SVIL: variants seen among roughly 807,000 people sequenced by gnomAD.
The protein encoded by SVIL is supervillin.
Under a neutral mutation model 240.4 loss-of-function variants are expected in SVIL, and 101 were observed. That is an observed-to-expected ratio of 0.42 (90% CI 0.36 to 0.50). The LOEUF (loss-of-function observed/expected upper bound fraction) is 0.50. SVIL is among the 20% of genes least tolerant of loss of function. The pLI, the probability that SVIL is intolerant of heterozygous loss-of-function variation, is 0.01. For synonymous variants in SVIL, 999 were observed against 1,100.0 expected, an observed-to-expected ratio of 0.91 and a Z score of 1.82; for missense variants, 2,512 against 2,818.7, an observed-to-expected ratio of 0.89 and a Z score of 2.46.
intron 1 of SVIL, among the ~76,000 whole-genome samples, chr10:29,591,669 A>G (rs1221955897): frequency 1.3e-5 from 2 of 152,210 alleles, no homozygotes; most frequent in East Asian, 3.8e-4. Context: ...TGACAGCCTG[A>G]GAACTATCAT....
intron 6 of SVIL, among the ~76,000 whole-genome samples, chr10:29,545,871 A>G (rs11594466): frequency 1.4e-5 from 2 of 144,606 alleles, no homozygotes; most frequent in East Asian, 3.9e-4. Context: ...AAAAAAAAAA[A>G]AAAAAAAAGA....
At chr10:29,526,387 C>A (rs941873856) in intron 13 of SVIL, among the ~76,000 whole-genome samples, 2 of 148,582 alleles carry the variant, frequency 1.3e-5, no homozygotes, top group African/African-American at 5.0e-5. Context: ...TCACTGCAAC[C>A]TCTGCCTCCC....
chr10:29,493,171 A>G, intron 21 of SVIL, 43 bp downstream of exon 21: 1 of 1,590,116 alleles, frequency 6.3e-7, no homozygotes, highest in Non-Finnish European at 8.6e-7. Flanking sequence ...AGGCGAAGGA[A>G]GCCCTTCTCA....
chr10:29,662,739 G>T (rs896496565), intron 2 of SVIL, among the ~76,000 whole-genome samples: 1 of 152,130 alleles, frequency 6.6e-6, no homozygotes, highest in African/African-American at 2.4e-5. Flanking sequence ...TGGGAAGCTG[G>T]CATTAGAAGA....
chr10:29,631,327 C>T (rs1442866487), intron 1 of SVIL, among the ~76,000 whole-genome samples: 1 of 152,208 alleles, frequency 6.6e-6, no homozygotes, highest in African/African-American at 2.4e-5. Flanking sequence ...CCATTAAGGG[C>T]AAAGCAGTAG....
chr10:29,657,192 C>G (rs1448672457), intron 3 of SVIL, among the ~76,000 whole-genome samples: 1 of 152,152 alleles, frequency 6.6e-6, no homozygotes, highest in African/African-American at 2.4e-5. Context: ...TATTTATTAT[C>G]TAAACATGAG....
intron 2 of SVIL, among the ~76,000 whole-genome samples, chr10:29,671,534 T>C (rs998282793): frequency 2.0e-5 from 3 of 152,242 alleles, no homozygotes; most frequent in African/African-American, 4.8e-5. Flanking sequence ...TGTTTTAAGA[T>C]GTCAAGGATG....
chr10:29,735,017 C>T lies in SVIL; in HGVS notation c.-400+734G>A, dbSNP rs1283990744. 1.3e-5 allele frequency among the ~76,000 whole-genome samples: 2 copies of T among 152,214 alleles called. No homozygotes were observed. The highest frequency in any genetic ancestry group is 3.9e-4 in the East Asian group (2 of 5,186). ...CTGAAGCTCTTAATCCCGCACCTGA[C>T]CCAGATTGCGGCCTGGACTGGAGCC... is the stretch of plus-strand genomic sequence containing the variant. On this transcript the variant is annotated intron_variant, in intron 1 of 35. Coordinates refer to the SVIL transcript ENST00000375400. This position sits in a 1 kb window ranked among gnomAD's most constrained non-coding sequence, Gnocchi z 4.1.
intron 1 of SVIL, among the ~76,000 whole-genome samples, chr10:29,584,433 G>A (rs1445394236): frequency 1.3e-5 from 2 of 152,228 alleles, no homozygotes; most frequent in Non-Finnish European, 2.9e-5. Context: ...ACCACTGCAT[G>A]CACAGGGGGT....
chr10:29,694,080 A>G (rs1441668133), intron 1 of SVIL, among the ~76,000 whole-genome samples: 3 of 152,048 alleles, frequency 2.0e-5, no homozygotes, highest in Admixed American at 2.0e-4. Context: ...CAGAATTGTA[A>G]TGAACGAACA....
rs138310513 is a variant in SVIL, at chr10:29,470,302, C to G, written c.5817G>C (p.Arg1939Ser). The change falls in exon 32 of 38, where the codon AGG becomes AGC. Residue 1939 changes from arginine (R) to serine (S), a missense_variant. By Grantham distance (110) the Arg-to-Ser change is moderately radical. Coordinates refer to ENST00000355867, the MANE Select transcript of SVIL (RefSeq NM_021738.3). ...GTTCCTTGATCTTGTTCGCAGCGGT[C>G]CTTCCGACCTCCTTCGTGTGGGCCT... ...KAQAHTKEVG[R>S]TAANKIKEQC... 53 of 1,614,088 alleles carry G rather than the reference C, an allele frequency of 3.3e-5. No individual in the cohort carries two copies. Among genetic ancestry groups the G allele is most frequent in the Non-Finnish European group, 4.2e-5 (49 of 1,180,048 alleles).
chr10:29,579,565 A>G (rs1316959443), intron 1 of SVIL, among the ~76,000 whole-genome samples: 2 of 152,254 alleles, frequency 1.3e-5, no homozygotes, highest in Non-Finnish European at 2.9e-5. Flanking sequence ...CCAAATTGAC[A>G]AGGTCAAAAG....
intron 2 of SVIL, among the ~76,000 whole-genome samples, chr10:29,661,874 G>C (rs1038037887): frequency 6.6e-6 from 1 of 151,880 alleles, no homozygotes; most frequent in Non-Finnish European, 1.5e-5. Flanking sequence ...TGTTGCTCAG[G>C]CTGGTCTTAA....
At chr10:29,524,887 G>A (rs1303581121) in intron 13 of SVIL, among the ~76,000 whole-genome samples, 172 bp from the exon 14 acceptor site, 2 of 151,790 alleles carry the variant, frequency 1.3e-5, no homozygotes, top group African/African-American at 2.4e-5. Context: ...AAGCAGAGTC[G>A]GCACAGGACA....
At chr10:29,668,282 A>G (rs1422640158) in intron 2 of SVIL, among the ~76,000 whole-genome samples, 3 of 152,148 alleles carry the variant, frequency 2.0e-5, no homozygotes, top group Non-Finnish European at 4.4e-5. Context: ...TTTTCTCCTC[A>G]TGCTAAGTAT....
chr10:29,516,073 C>T (rs1045936551), intron 16 of SVIL, among the ~76,000 whole-genome samples: 1 of 152,212 alleles, frequency 6.6e-6, no homozygotes, highest in African/African-American at 2.4e-5. Flanking sequence ...CTGTGTGTAG[C>T]TTGTTTCACT....
chr10:29,496,961 C>T (rs537767269), intron 18 of SVIL, among the ~76,000 whole-genome samples: 8 of 152,304 alleles, frequency 5.3e-5, no homozygotes, highest in Non-Finnish European at 1.2e-4. Context: ...CACCTAACGA[C>T]GTGCTTCTGT....
In SVIL at chr10:29,551,735, C is replaced by A. The variant is rs571213255; in HGVS notation, c.161-472G>T. Among the ~76,000 whole-genome samples the A allele has an allele frequency of 5.5e-4, 84 of 152,122 alleles. 1 individual carries two copies. Among genetic ancestry groups the A allele is most frequent in the Non-Finnish European group, 9.0e-4 (61 of 68,014 alleles). ...CTGAGAGTAACCATAACGATATGGC[C>A]CATATCATTATTCACCAGGCTTTTC... is the stretch of plus-strand genomic sequence containing the variant. On this transcript the variant is annotated intron_variant, in intron 5 of 37. Transcript: ENST00000355867.
intron 1 of SVIL, among the ~76,000 whole-genome samples, chr10:29,617,495 C>T (rs1957469890): frequency 2.6e-5 from 4 of 151,462 alleles, no homozygotes; most frequent in Admixed American, 2.0e-4. Context: ...GCAGGAGAAT[C>T]GCTTGAACCC....
Sources: gnomAD v4.1 joint callset for allele counts (sites outside exome capture counted in the v4.1 genomes callset) on GRCh38, gnomAD v4.1.1 for gene constraint, Gnocchi (gnomAD v3.1) non-coding constraint, MANE v1.5 for transcripts, NCBI Gene and HGNC (gene_info 2026-07-23, HGNC 2026-07-21) for gene names.